KCNK3: variants seen among roughly 807,000 people sequenced by gnomAD.
KCNK3 encodes potassium channel subfamily K member 3.
A neutral mutation model predicts 27.3 loss-of-function variants in KCNK3; 9 were observed. The ratio of observed to expected loss-of-function variants is 0.33; its 90% CI spans 0.20 to 0.57. The LOEUF (loss-of-function observed/expected upper bound fraction) is 0.57, where lower values mean the gene tolerates loss of function less well. KCNK3 is among the 20% of genes least tolerant of loss of function. The probability of loss-of-function intolerance (pLI) is 0.87; values close to 1 mark genes in which losing one functional copy is unlikely to be tolerated. For synonymous variants in KCNK3, 278 were observed against 273.8 expected, an observed-to-expected ratio of 1.02 and a Z score of -0.15; for missense variants, 391 against 577.7, an observed-to-expected ratio of 0.68 and a Z score of 3.31.
At chr2:26,706,440 A>C (rs1012216846) in intron 1 of KCNK3, among the ~76,000 whole-genome samples, 4 of 152,108 alleles carry the variant, frequency 2.6e-5, no homozygotes, top group Non-Finnish European at 5.9e-5. Context: ...GGCCCCCTCC[A>C]CTGGGAACAA....
chr2:26,693,304 C>A lies in KCNK3; in HGVS notation c.283+146C>A. 1 of 815,204 alleles carries A rather than the reference C, an allele frequency of 1.2e-6. No individual in the cohort carries two copies. Among genetic ancestry groups the A allele is most frequent in the Non-Finnish European group, 1.8e-6 (1 of 562,462 alleles). 50.5% of individuals were successfully genotyped at this position (815,204 alleles called of 1,614,324 possible). On this transcript the variant is annotated intron_variant, in intron 1 of 1. Coordinates refer to ENST00000302909, the MANE Select transcript of KCNK3 (RefSeq NM_002246.3). The surrounding 1 kb of genome is among the most constrained non-coding windows in gnomAD (Gnocchi z 5.5). The stretch of plus-strand genomic sequence containing the variant: ...TGCGCTCGCAGAAACCCGAGTTCAG[C>A]CTGGCGTGTGTGCTCCGCGGGGACG...
chr2:26,697,843 G>A (rs933868307), intron 1 of KCNK3, among the ~76,000 whole-genome samples: 4 of 152,064 alleles, frequency 2.6e-5, no homozygotes, highest in African/African-American at 9.7e-5. Context: ...CATGGCCTGA[G>A]AACCCTTAGA....
At position 26,728,309 on chromosome 2, in the gene KCNK3, T is replaced by C. The variant is rs1663468013; in HGVS notation, c.926T>C (p.Met309Thr). The change falls in exon 2 of 2, where the codon ATG becomes ACG. Residue 309 changes from methionine (M) to threonine (T), a missense_variant. Met to Thr is a moderately conservative substitution (Grantham distance 81). Around this residue, in one of 4 missense-constraint regions of KCNK3, gnomAD observed 192 missense variants for 196.0 expected, o/e 0.98. Transcript: ENST00000302909. ...VYAEVLHFQS[M>T]CSCLWYKSRE... ...GCGGAGGTGCTGCACTTCCAGTCCA[T>C]GTGCTCGTGCCTGTGGTACAAGAGC... The C allele has an allele frequency of 3.7e-6, 6 of 1,602,024 alleles. No homozygotes were observed. The highest frequency in any genetic ancestry group is 1.7e-5 in the Admixed American group (1 of 58,906).
chr2:26,695,786 G>C (rs976493585), intron 1 of KCNK3, among the ~76,000 whole-genome samples: 2 of 152,174 alleles, frequency 1.3e-5, no homozygotes, highest in African/African-American at 4.8e-5. Flanking sequence ...AAAAGCCATG[G>C]GGGGAGAGGC....
At chr2:26,720,300 C>T (rs955501135) in intron 1 of KCNK3, among the ~76,000 whole-genome samples, 1 of 152,174 alleles carries the variant, frequency 6.6e-6, no homozygotes, top group Non-Finnish European at 1.5e-5. Context: ...GGTTGAACTA[C>T]GTTGTCACAC....
At chr2:26,710,635 TC>T (rs777265791) in intron 1 of KCNK3, among the ~76,000 whole-genome samples, 1 of 152,120 alleles carries the variant, frequency 6.6e-6, no homozygotes, top group Non-Finnish European at 1.5e-5. Flanking sequence ...TGGCTCCCCT[TC>T]CCTACCCTGG....
At chr2:26,705,570 A>T (rs1052595652) in intron 1 of KCNK3, among the ~76,000 whole-genome samples, 3 of 151,988 alleles carry the variant, frequency 2.0e-5, no homozygotes, top group Non-Finnish European at 4.4e-5. Context: ...CACCCCAACC[A>T]CAAGTGCCCT....
At chr2:26,696,646 C>T (rs1670238871) in intron 1 of KCNK3, among the ~76,000 whole-genome samples, 1 of 152,178 alleles carries the variant, frequency 6.6e-6, no homozygotes, top group Non-Finnish European at 1.5e-5. Flanking sequence ...CTAAGTTCAC[C>T]CAACAGTAAT....
intron 1 of KCNK3, among the ~76,000 whole-genome samples, chr2:26,718,311 C>T (rs1293237062): frequency 1.3e-5 from 2 of 152,322 alleles, no homozygotes; most frequent in East Asian, 1.9e-4. Context: ...AAAACGAAGA[C>T]TTCATTCCTG....
Position 26,702,842 on chromosome 2 carries a change from G to A in KCNK3, c.283+9684G>A, listed in dbSNP as rs935727104. ...TCAATAAGGGCAGGCTGGGTCGGGC[G>A]TGGTGGCTCATGTCTGTAGTCCCAG... On this transcript the variant is annotated intron_variant, in intron 1 of 1. Coordinates refer to ENST00000302909, the MANE Select transcript of KCNK3 (RefSeq NM_002246.3). 5.3e-5 allele frequency among the ~76,000 whole-genome samples: 8 copies of A among 152,234 alleles called. No homozygotes were observed. In the East Asian group the frequency reaches 7.7e-4, roughly 15 times the overall value.
chr2:26,698,877 T>C (rs1016118993), intron 1 of KCNK3, among the ~76,000 whole-genome samples: 1 of 151,602 alleles, frequency 6.6e-6, no homozygotes, highest in Non-Finnish European at 1.5e-5. Context: ...GGGCAGACCT[T>C]GCAGAAAGCT....
At chr2:26,726,102 CACACAGAGAGAGAGAGAGAGAG>C (rs1461411402) in intron 1 of KCNK3, among the ~76,000 whole-genome samples, 1 of 136,144 alleles carries the variant, frequency 7.3e-6, no homozygotes, top group East Asian at 2.2e-4. Context: ...CACACACACA[CACACAGAGAGAGAGAGAGAGAG>C]AGAGAGAGAG....
Position 26,728,494 on chromosome 2 carries a change from A to G in KCNK3, c.1111A>G (p.Ile371Val). The change falls in exon 2 of 2, where the codon ATC becomes GTC. Residue 371 changes from isoleucine to valine, a missense_variant. Transcript: ENST00000302909. ...GTGCAGCGGGGCGCCACGCTCCGCC[A>G]TCAGCTCGGTGTCCACGGGTCTGCA... The part of the protein sequence containing the change: ...CLCSGAPRSA[I>V]SSVSTGLHSL... The G allele has an allele frequency of 1.3e-6, 2 of 1,535,080 alleles. No individual in the cohort carries two copies. Among genetic ancestry groups the G allele is most frequent in the Non-Finnish European group, 1.8e-6 (2 of 1,138,068 alleles).
rs1487903978 is a variant in KCNK3, at chr2:26,728,767, C to G, written c.*199C>G. 20 of 423,398 alleles carry G rather than the reference C, an allele frequency of 4.7e-5. No individual in the cohort carries two copies. In the East Asian group the frequency reaches 7.1e-4, roughly 15 times the overall value. 26.2% of individuals were successfully genotyped at this position (423,398 alleles called of 1,614,324 possible). A position where few individuals can be genotyped will look rare whatever the true frequency, so the allele number is the denominator to read the frequency against. On this transcript the variant is annotated 3_prime_UTR_variant, in exon 2 of 2. Transcript: ENST00000302909. ...CGGGCTCTGAGGACCCCTGGGGCCC[C>G]CATCGGAGCCCTGCAAATTCCGAGA...
chr2:26,719,451 G>A (rs1663288372), intron 1 of KCNK3, among the ~76,000 whole-genome samples: 1 of 152,104 alleles, frequency 6.6e-6, no homozygotes, highest in African/African-American at 2.4e-5. Context: ...TCAGAGCTCA[G>A]AGCAAATGTC....
Position 26,693,145 on chromosome 2 carries a change from C to T in KCNK3, c.270C>T (p.Val90=). 6.4e-7 allele frequency: 1 copy of T among 1,552,924 alleles called. No individual in the cohort carries two copies. The highest frequency in any genetic ancestry group is 1.2e-5 in the South Asian group (1 of 85,988). The change falls in exon 1 of 2, where the codon GTC becomes GTT. Residue 90 remains valine, a synonymous_variant. Coordinates refer to ENST00000302909, the MANE Select transcript of KCNK3 (RefSeq NM_002246.3). The surrounding 1 kb of genome is among the most constrained non-coding windows in gnomAD (Gnocchi z 5.5). ...FAGSFYFAIT[V]ITTIGYGHAA... is the part of the protein sequence containing the mutation. The stretch of plus-strand genomic sequence containing the variant: ...GCTCCTTCTACTTCGCCATCACCGT[C>T]ATCACCACCATCGGTAACGGCTCGC...
chr2:26,731,719 A>C lies in KCNK3; in HGVS notation c.*3151A>C, dbSNP rs1341210070. On this transcript the variant is annotated 3_prime_UTR_variant, in exon 2 of 2. Coordinates refer to ENST00000302909, the MANE Select transcript of KCNK3 (RefSeq NM_002246.3). ...TTAAGTCCCCTTGGAACAGACTAAG[A>C]AAGGATCACCTTAGAAATCACCTGG... 1 of 152,252 alleles carries C rather than the reference A, an allele frequency of 6.6e-6. No homozygotes were observed. The highest frequency in any genetic ancestry group is 1.5e-5 in the Non-Finnish European group (1 of 68,052). The allele number at this position is 152,252 out of a possible 1,614,324, so 9.4% of individuals were successfully genotyped here. A position where few individuals can be genotyped will look rare whatever the true frequency, so the allele number is the denominator to read the frequency against.
At chr2:26,699,420 A>G (rs1670279979) in intron 1 of KCNK3, among the ~76,000 whole-genome samples, 1 of 152,126 alleles carries the variant, frequency 6.6e-6, no homozygotes, top group African/African-American at 2.4e-5. Context: ...CAGAAATAGA[A>G]GACACACGCC....
At chr2:26,716,941 T>C (rs1194336046) in intron 1 of KCNK3, among the ~76,000 whole-genome samples, 1 of 152,224 alleles carries the variant, frequency 6.6e-6, no homozygotes, top group African/African-American at 2.4e-5. Flanking sequence ...CACTTGTTGC[T>C]GTCAATAAAG....
Sources: gnomAD v4.1 joint callset for allele counts (sites outside exome capture counted in the v4.1 genomes callset) on GRCh38, gnomAD v4.1.1 for gene constraint, gnomAD v4.1.1 regional missense constraint, Gnocchi (gnomAD v3.1) non-coding constraint, MANE v1.5 for transcripts, NCBI Gene and HGNC (gene_info 2026-07-23, HGNC 2026-07-21) for gene names.